Variants in PLCB1 observed in about 807,000 individuals in gnomAD.
The protein encoded by PLCB1 is 1-phosphatidylinositol 4,5-bisphosphate phosphodiesterase beta-1.
Under a neutral mutation model 161.8 loss-of-function variants are expected in PLCB1, and 46 were observed. The observed-to-expected ratio is 0.28, with a 90% CI of 0.22 to 0.36. The LOEUF (loss-of-function observed/expected upper bound fraction) is 0.36. Among genes scored for constraint, PLCB1 ranks in the 10% least tolerant of loss-of-function variants. PLCB1 has a pLI of 1.00. For synonymous variants in PLCB1, 517 were observed against 503.7 expected, an observed-to-expected ratio of 1.03 and a Z score of -0.35; for missense variants, 1,016 against 1,472.5, an observed-to-expected ratio of 0.69 and a Z score of 5.07.
chr20:8,574,566 T>C (rs1201903250), intron 3 of PLCB1, among the ~76,000 whole-genome samples: 1 of 152,216 alleles, frequency 6.6e-6, no homozygotes, highest in Non-Finnish European at 1.5e-5. Context: ...TTTGAAGAAG[T>C]TCCCAGGGAA....
At chr20:8,494,725 A>AT (rs1213533756) in intron 3 of PLCB1, among the ~76,000 whole-genome samples, 1 of 152,108 alleles carries the variant, frequency 6.6e-6, no homozygotes, top group Non-Finnish European at 1.5e-5. Context: ...TAATTAAGTC[A>AT]TTTATCTTTC....
intron 3 of PLCB1, among the ~76,000 whole-genome samples, chr20:8,524,943 G>A (rs1489291127): frequency 1.3e-5 from 2 of 152,166 alleles, no homozygotes; most frequent in African/African-American, 4.8e-5. Flanking sequence ...ACTTCCTAGT[G>A]CCTTGCAGGC....
chr20:8,368,792 G>C lies in PLCB1; in HGVS notation c.178-2590G>C, dbSNP rs75598465. On this transcript the variant is annotated intron_variant, in intron 2 of 31. Coordinates refer to ENST00000338037, the MANE Select transcript of PLCB1 (RefSeq NM_015192.4). ...CTCTGTGACATATCCTAAGTGGGTT[G>C]TAGTTTTCTGCACACAATTCCTGCT... 1.7e-3 allele frequency among the ~76,000 whole-genome samples: 260 copies of C among 152,180 alleles called. 6 individuals are homozygous for C. In the East Asian group the frequency reaches 0.041, roughly 24 times the overall value.
chr20:8,281,837 A>T (rs909221630), intron 2 of PLCB1, among the ~76,000 whole-genome samples: 1 of 152,142 alleles, frequency 6.6e-6, no homozygotes, highest in Non-Finnish European at 1.5e-5. Flanking sequence ...GGATTGTTCT[A>T]AATGCTGTCT....
chr20:8,491,540 A>G (rs1410872884), intron 3 of PLCB1, among the ~76,000 whole-genome samples: 1 of 152,122 alleles, frequency 6.6e-6, no homozygotes, highest in African/African-American at 2.4e-5. Flanking sequence ...GGGAACAAGT[A>G]CTGTGTGTAG....
chr20:8,266,321 G>T (rs900526168), intron 2 of PLCB1, among the ~76,000 whole-genome samples: 1 of 152,094 alleles, frequency 6.6e-6, no homozygotes, highest in African/African-American at 2.4e-5. Flanking sequence ...GATGTGGCTG[G>T]GCTCTCAGCA....
At chr20:8,249,353 T>C (rs1270696263) in intron 2 of PLCB1, 1 of 151,982 alleles carries the variant, frequency 6.6e-6, no homozygotes, top group Non-Finnish European at 1.5e-5. Flanking sequence ...AGATTAGAAA[T>C]TGCTAATAAG....
intron 3 of PLCB1, among the ~76,000 whole-genome samples, chr20:8,492,294 T>C (rs538115544): frequency 1.3e-5 from 2 of 152,288 alleles, no homozygotes; most frequent in Non-Finnish European, 2.9e-5. Flanking sequence ...TTCTGACTTG[T>C]AAATAACTTA....
At chr20:8,250,736 C>T (rs1034502786) in intron 2 of PLCB1, among the ~76,000 whole-genome samples, 13 of 151,892 alleles carry the variant, frequency 8.6e-5, no homozygotes, top group Admixed American at 2.0e-4. Context: ...TTGCTGGCTG[C>T]CAGGTCAGGG....
At chr20:8,682,312 G>A (rs1331408727) in intron 9 of PLCB1, among the ~76,000 whole-genome samples, 1 of 151,864 alleles carries the variant, frequency 6.6e-6, no homozygotes, top group African/African-American at 2.4e-5. Context: ...ACCAGCCTGG[G>A]GAACATAGGA....
chr20:8,838,030 A>G (rs1190410576), intron 31 of PLCB1, among the ~76,000 whole-genome samples: 1 of 151,478 alleles, frequency 6.6e-6, no homozygotes, highest in African/African-American at 2.4e-5. Context: ...TGGTGACTAA[A>G]TTCTTTTTTG....
rs559036792 is a variant in PLCB1, at chr20:8,566,484, G to A, written c.247-61810G>A. Among the ~76,000 whole-genome samples, 4 of 152,254 alleles carry A rather than the reference G, an allele frequency of 2.6e-5. No individual in the cohort carries two copies. In the South Asian group the frequency reaches 8.3e-4, roughly 32 times the overall value. On this transcript the variant is annotated intron_variant, in intron 3 of 31. Transcript: ENST00000338037. Reference sequence around the variant, plus strand: ...AAAAACAACATTTTTTAGGAAGCATGTGAATATGAATGAGAGGATGATCAT... The same window carrying A: ...AAAAACAACATTTTTTAGGAAGCATATGAATATGAATGAGAGGATGATCAT...
chr20:8,814,298 T>G (rs920122169), intron 31 of PLCB1, among the ~76,000 whole-genome samples: 3 of 152,212 alleles, frequency 2.0e-5, no homozygotes, highest in African/African-American at 7.2e-5. Context: ...TCTGGCCTTT[T>G]GGAACATTCT....
At chr20:8,179,920 G>A (rs62199964) in intron 2 of PLCB1, among the ~76,000 whole-genome samples, 21,880 of 135,140 alleles carry the variant, frequency 0.16, 2,078 homozygotes, top group African/African-American at 0.22. Context: ...GTGCAGTGGC[G>A]GGATCTCGGC....
At chr20:8,157,544 A>C (rs2051574641) in intron 2 of PLCB1, among the ~76,000 whole-genome samples, 1 of 152,190 alleles carries the variant, frequency 6.6e-6, no homozygotes, top group Non-Finnish European at 1.5e-5. Context: ...CATTTTTATT[A>C]ACATTACCTT....
At chr20:8,363,039 G>A (rs1004178522) in intron 2 of PLCB1, among the ~76,000 whole-genome samples, 1 of 151,866 alleles carries the variant, frequency 6.6e-6, no homozygotes, top group Admixed American at 6.6e-5. Flanking sequence ...TTTCTGTTTG[G>A]GCACATTCAA....
At chr20:8,302,814 G>C (rs540238846) in intron 2 of PLCB1, among the ~76,000 whole-genome samples, 11 of 151,844 alleles carry the variant, frequency 7.2e-5, no homozygotes, top group Non-Finnish European at 5.9e-5. Context: ...TAAAAAATAG[G>C]GTCCCTTTTA....
chr20:8,755,691 A>C (rs530111450), intron 23 of PLCB1, among the ~76,000 whole-genome samples: 2 of 152,352 alleles, frequency 1.3e-5, no homozygotes, highest in East Asian at 1.9e-4. Context: ...ACAAGCTTAA[A>C]GGTTTTATTT....
At chr20:8,644,103 G>C (rs1989056666) in intron 4 of PLCB1, among the ~76,000 whole-genome samples, 1 of 152,074 alleles carries the variant, frequency 6.6e-6, no homozygotes, top group African/African-American at 2.4e-5. Flanking sequence ...AGTGCTCAAT[G>C]GTGCCCAGGC....
Sources: allele counts gnomAD v4.1 joint callset (sites outside exome capture counted in the v4.1 genomes callset), GRCh38; gene constraint gnomAD v4.1.1; transcripts MANE v1.5; gene names NCBI Gene and HGNC (gene_info 2026-07-23, HGNC 2026-07-21).